The following CSGALNACT1 variants were observed in gnomAD, a reference collection of about 807,000 sequenced individuals.
The protein encoded by CSGALNACT1 is beta4GalNAcT-1.
Under a neutral mutation model 51.0 loss-of-function variants are expected in CSGALNACT1, and 52 were observed. The observed-to-expected ratio is 1.02, with a 90% CI of 0.82 to 1.29. The LOEUF (loss-of-function observed/expected upper bound fraction) is 1.29, where lower values mean the gene tolerates loss of function less well. Ranked by LOEUF, CSGALNACT1 falls within the 50% of genes most tolerant of loss-of-function variation. The pLI is 0.00. For synonymous variants in CSGALNACT1, 341 were observed against 254.4 expected (o/e 1.34, Z -3.24); for missense variants, 935 against 679.2 (o/e 1.38, Z -4.19).
At chr8:19,729,331 A>G (rs2063564869) in intron 1 of CSGALNACT1, among the ~76,000 whole-genome samples, 1 of 152,180 alleles carries the variant, frequency 6.6e-6, no homozygotes, top group Non-Finnish European at 1.5e-5. Flanking sequence ...ATATTTGCAG[A>G]CAGTGCTCAC....
chr8:19,486,612 G>C (rs936091608), intron 4 of CSGALNACT1, among the ~76,000 whole-genome samples: 4 of 152,068 alleles, frequency 2.6e-5, no homozygotes, highest in African/African-American at 9.7e-5. Context: ...TATAGGCATG[G>C]GTGGCCACCT....
intron 6 of CSGALNACT1, among the ~76,000 whole-genome samples, chr8:19,429,086 T>C (rs923877094): frequency 6.6e-6 from 1 of 152,140 alleles, no homozygotes; most frequent in Non-Finnish European, 1.5e-5. Context: ...CCCCAGCCCC[T>C]GGCAACTCTT....
intron 1 of CSGALNACT1, among the ~76,000 whole-genome samples, chr8:19,660,841 T>G (rs952566850): frequency 6.6e-6 from 1 of 152,174 alleles, no homozygotes; most frequent in African/African-American, 2.4e-5. Context: ...GGTTCTTACA[T>G]GGGTGTACAT....
intron 2 of CSGALNACT1, among the ~76,000 whole-genome samples, chr8:19,593,420 AG>A (rs1256314376): frequency 6.6e-6 from 1 of 152,204 alleles, no homozygotes; most frequent in Non-Finnish European, 1.5e-5. Flanking sequence ...CACAACAGCT[AG>A]GCTCCTCAAA....
intron 4 of CSGALNACT1, among the ~76,000 whole-genome samples, chr8:19,460,259 C>CAG (rs376948743): frequency 2.6e-3 from 386 of 151,262 alleles, no homozygotes; most frequent in African/African-American, 5.2e-3. Flanking sequence ...CAGGGAGACA[C>CAG]AGAGAGAGAG....
At chr8:19,431,150 A>G (rs2059598573) in intron 6 of CSGALNACT1, among the ~76,000 whole-genome samples, 2 of 152,040 alleles carry the variant, frequency 1.3e-5, no homozygotes, top group Admixed American at 6.6e-5. Context: ...TCCAATCTGG[A>G]TGACTGTTAT....
chr8:19,556,853 A>G (rs2039565928), intron 3 of CSGALNACT1, among the ~76,000 whole-genome samples: 1 of 152,116 alleles, frequency 6.6e-6, no homozygotes, highest in Non-Finnish European at 1.5e-5. Context: ...TTCCAGATGT[A>G]AACTAAAATT....
chr8:19,515,260 G>A (rs1763369492), intron 3 of CSGALNACT1, among the ~76,000 whole-genome samples: 1 of 152,100 alleles, frequency 6.6e-6, no homozygotes, highest in Non-Finnish European at 1.5e-5. Context: ...TGACCAAACT[G>A]CCGGGACTCC....
intron 3 of CSGALNACT1, among the ~76,000 whole-genome samples, chr8:19,578,506 CTG>C (rs138412774): frequency 0.03 from 4,632 of 152,228 alleles, 243 homozygotes; most frequent in African/African-American, 0.11. Flanking sequence ...ATTTAAGTGA[CTG>C]TATTTGGGGG....
intron 1 of CSGALNACT1, among the ~76,000 whole-genome samples, chr8:19,704,765 A>T (rs770265173): frequency 5.3e-5 from 8 of 152,206 alleles, no homozygotes; most frequent in Non-Finnish European, 1.0e-4. Flanking sequence ...ATTTACCTTA[A>T]AAAAGTAGAA....
intron 3 of CSGALNACT1, among the ~76,000 whole-genome samples, chr8:19,574,626 C>A (rs770324094): frequency 6.6e-6 from 1 of 152,110 alleles, no homozygotes; most frequent in Admixed American, 6.6e-5. Flanking sequence ...TTCAGGAGTC[C>A]GACCCTGGCA....
At chr8:19,477,409 A>C (rs1251786104) in intron 4 of CSGALNACT1, among the ~76,000 whole-genome samples, 2 of 152,218 alleles carry the variant, frequency 1.3e-5, no homozygotes, top group African/African-American at 4.8e-5. Flanking sequence ...TCAGCCTAGA[A>C]AACTTTTCCA....
intron 1 of CSGALNACT1, among the ~76,000 whole-genome samples, chr8:19,656,590 C>A (rs1311809957): frequency 1.0e-5 from 1 of 99,382 alleles, no homozygotes; most frequent in African/African-American, 3.8e-5. Flanking sequence ...GGAGAAACTA[C>A]GCCCCCCCCC....
At chr8:19,608,214 G>A (rs560369390) in intron 1 of CSGALNACT1, among the ~76,000 whole-genome samples, 17 of 152,248 alleles carry the variant, frequency 1.1e-4, no homozygotes, top group African/African-American at 2.4e-4. Flanking sequence ...AGAATAGCTC[G>A]TCTAGGATGC....
intron 1 of CSGALNACT1, among the ~76,000 whole-genome samples, chr8:19,614,606 T>C (rs564993981): frequency 1.8e-4 from 27 of 152,296 alleles, no homozygotes; most frequent in Admixed American, 1.6e-3. Context: ...GCTTAGGATA[T>C]TTTCTTTTTC....
chr8:19,624,765 G>A (rs1421235585), intron 1 of CSGALNACT1, among the ~76,000 whole-genome samples: 1 of 151,402 alleles, frequency 6.6e-6, no homozygotes, highest in East Asian at 2.0e-4. Flanking sequence ...TGCAACTTCC[G>A]CCTCCCGGGT....
chr8:19,470,776 A>C (rs1188377195), intron 4 of CSGALNACT1, among the ~76,000 whole-genome samples: 2 of 152,142 alleles, frequency 1.3e-5, no homozygotes, highest in Non-Finnish European at 2.9e-5. Context: ...CCTAAGGAGA[A>C]GCAATGTCCT....
At chr8:19,748,348 T>G (rs901592360) in intron 1 of CSGALNACT1, among the ~76,000 whole-genome samples, 2 of 152,186 alleles carry the variant, frequency 1.3e-5, no homozygotes. Flanking sequence ...CACCTTATCA[T>G]AGCGACAGGT....
intron 3 of CSGALNACT1, among the ~76,000 whole-genome samples, chr8:19,575,273 G>A (rs753808946): frequency 5.3e-5 from 8 of 152,068 alleles, no homozygotes; most frequent in African/African-American, 1.7e-4. Context: ...TCTGGTTGTC[G>A]CCTTTTCCTC....
Sources: gnomAD v4.1 joint callset for allele counts (sites outside exome capture counted in the v4.1 genomes callset) on GRCh38, gnomAD v4.1.1 for gene constraint, MANE v1.5 for transcripts, NCBI Gene and HGNC (gene_info 2026-07-23, HGNC 2026-07-21) for gene names.